NEK11: variants seen among roughly 807,000 people sequenced by gnomAD.
The protein encoded by NEK11 is serine/threonine-protein kinase Nek11.
NEK11 carries 72 observed loss-of-function variants against 80.7 expected under a neutral mutation model. The observed-to-expected ratio is 0.89, with a 90% confidence interval of 0.74 to 1.08. The LOEUF is 1.08. Ranked by LOEUF, NEK11 falls within the 50% of genes least tolerant of loss-of-function variation. NEK11 has a pLI of 0.00. For missense variants in NEK11, 764 were observed against 763.6 expected (o/e 1.00, Z -0.01); for synonymous variants, 251 against 260.7 (o/e 0.96, Z 0.36).
chr3:131,296,604 T>C (rs2109065373), intron 17 of NEK11, among the ~76,000 whole-genome samples: 1 of 152,294 alleles, frequency 6.6e-6, no homozygotes, highest in South Asian at 2.1e-4. Context: ...GGATTTTCTT[T>C]TATAACTGTA....
intron 17 of NEK11, among the ~76,000 whole-genome samples, chr3:131,348,588 A>T (rs1247322662): frequency 6.6e-6 from 1 of 151,826 alleles, no homozygotes; most frequent in East Asian, 1.9e-4. Flanking sequence ...AAAACAAAAC[A>T]TGTTATGGAC....
At chr3:131,297,602 A>G (rs1242336658) in intron 17 of NEK11, among the ~76,000 whole-genome samples, 3 of 151,882 alleles carry the variant, frequency 2.0e-5, no homozygotes, top group Non-Finnish European at 4.4e-5. Flanking sequence ...ATTTTCTCCT[A>G]TTTTGTAGGT....
At chr3:131,225,314 T>C (rs999270719) in intron 14 of NEK11, among the ~76,000 whole-genome samples, 2 of 152,212 alleles carry the variant, frequency 1.3e-5, no homozygotes, top group Non-Finnish European at 2.9e-5. Flanking sequence ...CACATAAACA[T>C]AGATGTGTAG....
intron 4 of NEK11, among the ~76,000 whole-genome samples, chr3:131,099,754 AT>A (rs1351193467): frequency 5.3e-5 from 8 of 152,054 alleles, no homozygotes; most frequent in African/African-American, 1.9e-4. Context: ...TGTGTTCTTG[AT>A]TTGACTCTCA....
At chr3:131,234,607 T>C (rs976928817) in intron 15 of NEK11, among the ~76,000 whole-genome samples, 5 of 152,096 alleles carry the variant, frequency 3.3e-5, no homozygotes, top group African/African-American at 9.7e-5. Context: ...GGAGAGACTT[T>C]GAGGTGACAA....
At chr3:131,127,611 G>T (rs2083590633) in intron 5 of NEK11, among the ~76,000 whole-genome samples, 2 of 151,862 alleles carry the variant, frequency 1.3e-5, no homozygotes, top group South Asian at 4.2e-4. Context: ...TTCAATAGGT[G>T]GATCACTTGT....
intron 5 of NEK11, among the ~76,000 whole-genome samples, chr3:131,116,900 C>A (rs1262529062): frequency 6.6e-6 from 1 of 152,080 alleles, no homozygotes; most frequent in Non-Finnish European, 1.5e-5. Context: ...GGGTAGATTG[C>A]AAAAATTTTC....
At chr3:131,261,647 C>G (rs1314303926) in intron 16 of NEK11, among the ~76,000 whole-genome samples, 3 of 152,102 alleles carry the variant, frequency 2.0e-5, no homozygotes, top group Admixed American at 6.6e-5. Context: ...ACTGTGGTCC[C>G]CTAACTTGAA....
intron 7 of NEK11, among the ~76,000 whole-genome samples, chr3:131,146,745 G>A (rs115040662): frequency 0.013 from 2,005 of 152,050 alleles, 38 homozygotes; most frequent in African/African-American, 0.045. Flanking sequence ...ATTCTGATGA[G>A]TGTGTAGCAT....
intron 17 of NEK11, among the ~76,000 whole-genome samples, chr3:131,274,138 G>C (rs952064142): frequency 7.9e-6 from 1 of 127,030 alleles, no homozygotes; most frequent in Non-Finnish European, 1.6e-5. Flanking sequence ...TCCCCAGAGT[G>C]TGATATTCCC....
chr3:131,280,512 A>G (rs1028901948), intron 17 of NEK11, among the ~76,000 whole-genome samples: 3 of 152,212 alleles, frequency 2.0e-5, no homozygotes, highest in African/African-American at 7.2e-5. Context: ...AATAGACATT[A>G]TAAGCAGTTT....
chr3:131,141,729 G>T (rs74980164), intron 7 of NEK11, among the ~76,000 whole-genome samples: 1,874 of 152,240 alleles, frequency 0.012, 29 homozygotes, highest in African/African-American at 0.042. Flanking sequence ...CTGAGAAATG[G>T]TATGAAAGGA....
At chr3:131,090,393 T>C (rs190144461) in intron 4 of NEK11, among the ~76,000 whole-genome samples, 2 of 152,336 alleles carry the variant, frequency 1.3e-5, no homozygotes, top group East Asian at 3.9e-4. Flanking sequence ...AAAACATTTT[T>C]TGATAGCTGT....
At chr3:131,142,845 A>G (rs1221969796) in intron 7 of NEK11, among the ~76,000 whole-genome samples, 1 of 152,162 alleles carries the variant, frequency 6.6e-6, no homozygotes, top group African/African-American at 2.4e-5. Context: ...TGGGACCACT[A>G]CAGAGGAGAG....
intron 17 of NEK11, among the ~76,000 whole-genome samples, chr3:131,340,984 G>C (rs2097275613): frequency 6.6e-6 from 1 of 152,120 alleles, no homozygotes; most frequent in African/African-American, 2.4e-5. Context: ...GCTAACTAAA[G>C]GAATAGTTCC....
chr3:131,156,779 G>A (rs189207373), intron 10 of NEK11, among the ~76,000 whole-genome samples: 1 of 152,232 alleles, frequency 6.6e-6, no homozygotes, highest in Admixed American at 6.5e-5. Context: ...GTTAATTCAT[G>A]TAAAGTGCTT....
At position 131,063,225 on chromosome 3, in the gene NEK11, A is replaced by C. The variant is rs184580898; in HGVS notation, c.171-17198A>C. 1.4e-3 allele frequency among the ~76,000 whole-genome samples: 208 copies of C among 152,152 alleles called. 1 individual carries two copies. The highest frequency in any genetic ancestry group is 2.4e-3 in the Non-Finnish European group (161 of 68,000). ...CTTTTTATAGAGAGGGGGTCTCACT[A>C]TGTTGCCCAGGCTGGTCTGAAGCTC... On this transcript the variant is annotated intron_variant, in intron 3 of 17. Transcript: ENST00000383366.
intron 16 of NEK11, among the ~76,000 whole-genome samples, chr3:131,260,479 C>T (rs921685214): frequency 6.6e-6 from 1 of 152,138 alleles, no homozygotes; most frequent in Non-Finnish European, 1.5e-5. Flanking sequence ...CCAAATCTGT[C>T]TCACTGCCTG....
At chr3:131,318,407 C>A (rs755181024) in intron 17 of NEK11, among the ~76,000 whole-genome samples, 3 of 152,052 alleles carry the variant, frequency 2.0e-5, no homozygotes, top group Non-Finnish European at 4.4e-5. Context: ...AGTGAAAATT[C>A]TCTTTAATTC....
Sources: allele counts gnomAD v4.1 joint callset (sites outside exome capture counted in the v4.1 genomes callset), GRCh38; gene constraint gnomAD v4.1.1; transcripts MANE v1.5; gene names NCBI Gene and HGNC (gene_info 2026-07-23, HGNC 2026-07-21).